The following PRRX1 variants were observed in gnomAD, a reference collection of about 807,000 sequenced individuals.
PRRX1 encodes paired mesoderm homeobox protein 1.
Under a neutral mutation model 24.0 loss-of-function variants are expected in PRRX1, and 8 were observed. The observed-to-expected ratio is 0.33, with a 90% CI of 0.20 to 0.60. The LOEUF is 0.60. Among genes scored for constraint, PRRX1 ranks in the 20% least tolerant of loss-of-function variants. PRRX1 has a pLI of 0.82. For missense variants in PRRX1, 281 were observed against 322.4 expected, an observed-to-expected ratio of 0.87 and a Z score of 0.98; for synonymous variants, 160 against 131.7, an observed-to-expected ratio of 1.22 and a Z score of -1.47.
chr1:170,664,751 CGG>C (rs1652857005), intron 1 of PRRX1, among the ~76,000 whole-genome samples: 1 of 152,242 alleles, frequency 6.6e-6, no homozygotes, highest in Non-Finnish European at 1.5e-5. Context: ...CTCTTTACTT[CGG>C]CTAGGCACCG....
intron 2 of PRRX1, among the ~76,000 whole-genome samples, chr1:170,723,593 G>C (rs149488144): frequency 6.6e-6 from 1 of 152,212 alleles, no homozygotes; most frequent in Non-Finnish European, 1.5e-5. Context: ...TGAATTGGAT[G>C]TCCTTGACTT....
intron 1 of PRRX1, among the ~76,000 whole-genome samples, chr1:170,673,029 A>T (rs1339970087): frequency 6.6e-6 from 1 of 152,206 alleles, no homozygotes; most frequent in East Asian, 1.9e-4. Context: ...GCTGAGCTCA[A>T]TTATATGTAA....
intron 1 of PRRX1, among the ~76,000 whole-genome samples, chr1:170,697,787 TATAA>T (rs1198926376): frequency 1.4e-5 from 2 of 147,492 alleles, no homozygotes; most frequent in South Asian, 2.1e-4. Context: ...TATAAAGATA[TATAA>T]ATATGTATAT....
At chr1:170,731,568 T>C (rs181985250) in intron 3 of PRRX1, among the ~76,000 whole-genome samples, 78 of 152,320 alleles carry the variant, frequency 5.1e-4, no homozygotes, top group Admixed American at 4.0e-3. Context: ...TTCCTGGCTT[T>C]AAAATCGTAG....
At chr1:170,690,880 G>A (rs1043791540) in intron 1 of PRRX1, among the ~76,000 whole-genome samples, 1 of 152,118 alleles carries the variant, frequency 6.6e-6, no homozygotes, top group African/African-American at 2.4e-5. Flanking sequence ...TTAGCTCGAT[G>A]CAGTCTTTGC....
intron 1 of PRRX1, among the ~76,000 whole-genome samples, chr1:170,673,909 C>T (rs1653222271): frequency 6.6e-6 from 1 of 152,172 alleles, no homozygotes; most frequent in Non-Finnish European, 1.5e-5. Context: ...TACCACCCTC[C>T]TAGCCTGTGG....
chr1:170,714,523 G>T (rs556197138), intron 1 of PRRX1, among the ~76,000 whole-genome samples: 4 of 151,888 alleles, frequency 2.6e-5, no homozygotes, highest in African/African-American at 9.7e-5. Flanking sequence ...CCCAGGCATA[G>T]GAAACGCATT....
At chr1:170,729,123 T>G (rs1455387890) in intron 3 of PRRX1, 1 of 152,256 alleles carries the variant, frequency 6.6e-6, no homozygotes, top group Non-Finnish European at 1.5e-5. Flanking sequence ...CTAATGCTTG[T>G]GTTCCCTGTT....
chr1:170,664,154 GC>G lies in PRRX1; in HGVS notation c.-62del, dbSNP rs1558039877. Reference sequence around the variant, plus strand: ...CCACTCGGCTCCTCTCCCCCCTCGCGCCCACAGCGTTTGGTGTTGATTCGAG... The same window carrying G: ...CCACTCGGCTCCTCTCCCCCCTCGCGCCACAGCGTTTGGTGTTGATTCGAG... On this transcript the variant is annotated 5_prime_UTR_variant, in exon 1 of 4. Transcript: ENST00000239461. The G allele has an allele frequency of 6.7e-7, 1 of 1,481,756 alleles. No individual in the cohort carries two copies. Among genetic ancestry groups the G allele is most frequent in the Non-Finnish European group, 9.0e-7 (1 of 1,106,906 alleles). The allele number at this position is 1,481,756 out of a possible 1,614,324, so 91.8% of individuals were successfully genotyped here. A position where few individuals can be genotyped will look rare whatever the true frequency, so the allele number is the denominator to read the frequency against.
intron 3 of PRRX1, among the ~76,000 whole-genome samples, chr1:170,734,765 A>T (rs1430253788): frequency 6.6e-6 from 1 of 152,176 alleles, no homozygotes; most frequent in African/African-American, 2.4e-5. Context: ...GGGACTCATT[A>T]TATTTCTTAA....
Position 170,711,731 on chromosome 1 carries a change from CAGA to C in PRRX1, c.242-7988_242-7986del, listed in dbSNP as rs544853544. The stretch of plus-strand genomic sequence containing the variant: ...CAGTGCAAAGGGAAAAAAACCTCAG[CAGA>C]AGAAGACAAGAGGATATGCCTCATC... On this transcript the variant is annotated intron_variant, in intron 1 of 3. Coordinates refer to ENST00000239461, the MANE Select transcript of PRRX1 (RefSeq NM_022716.4). Among the ~76,000 whole-genome samples, 171 of 152,278 alleles carry C rather than the reference CAGA, an allele frequency of 1.1e-3. 1 individual carries two copies. The highest frequency in any genetic ancestry group is 4.0e-3 in the African/African-American group (168 of 41,566).
chr1:170,703,293 C>T (rs941306502), intron 1 of PRRX1, among the ~76,000 whole-genome samples: 2 of 152,096 alleles, frequency 1.3e-5, no homozygotes, highest in Non-Finnish European at 2.9e-5. Flanking sequence ...GCCAAACTAC[C>T]AGATGTCGTC....
At chr1:170,697,254 T>C (rs949331433) in intron 1 of PRRX1, among the ~76,000 whole-genome samples, 2 of 152,176 alleles carry the variant, frequency 1.3e-5, no homozygotes, top group African/African-American at 4.8e-5. Context: ...CTAATTTCCA[T>C]TGGGAAAACA....
At chr1:170,676,250 C>T (rs1653315342) in intron 1 of PRRX1, among the ~76,000 whole-genome samples, 1 of 152,138 alleles carries the variant, frequency 6.6e-6, no homozygotes, top group Non-Finnish European at 1.5e-5. Flanking sequence ...TCTTAGCTTT[C>T]CTCAGGGAAG....
chr1:170,714,275 G>T (rs1209371463), intron 1 of PRRX1, among the ~76,000 whole-genome samples: 1 of 152,144 alleles, frequency 6.6e-6, no homozygotes, highest in Non-Finnish European at 1.5e-5. Flanking sequence ...TTTTCCAAAG[G>T]TTACGGGGCC....
intron 2 of PRRX1, among the ~76,000 whole-genome samples, chr1:170,721,833 A>T (rs1311302667): frequency 1.3e-5 from 2 of 152,036 alleles, no homozygotes; most frequent in African/African-American, 4.8e-5. Flanking sequence ...CAAAAACCCC[A>T]TGTCTTTTAT....
intron 2 of PRRX1, among the ~76,000 whole-genome samples, chr1:170,721,447 C>CA (rs765841786): frequency 1.3e-5 from 2 of 152,154 alleles, no homozygotes; most frequent in Non-Finnish European, 2.9e-5. Context: ...AGGCACAGTA[C>CA]ACAGTGGGAG....
intron 1 of PRRX1, among the ~76,000 whole-genome samples, chr1:170,665,188 C>A (rs751508639): frequency 3.3e-5 from 5 of 152,224 alleles, no homozygotes; most frequent in Non-Finnish European, 7.3e-5. Flanking sequence ...CCGCATGATC[C>A]CGCACAGGCG....
At chr1:170,704,287 G>A (rs1460645508) in intron 1 of PRRX1, among the ~76,000 whole-genome samples, 2 of 152,200 alleles carry the variant, frequency 1.3e-5, no homozygotes, top group Non-Finnish European at 2.9e-5. Context: ...ACGCTGGGAA[G>A]TTATGAACAC....
Sources: gnomAD v4.1 joint callset for allele counts (sites outside exome capture counted in the v4.1 genomes callset) on GRCh38, gnomAD v4.1.1 for gene constraint, MANE v1.5 for transcripts, NCBI Gene and HGNC (gene_info 2026-07-23, HGNC 2026-07-21) for gene names.